The following FAT3 variants were observed in gnomAD, a reference collection of about 807,000 sequenced individuals.
FAT3 encodes the protein protocadherin Fat 3.
FAT3 carries 95 observed loss-of-function variants against 310.2 expected under a neutral mutation model. The ratio of observed to expected loss-of-function variants is 0.31; its 90% CI spans 0.26 to 0.36. The LOEUF (loss-of-function observed/expected upper bound fraction) is 0.36. Among genes scored for constraint, FAT3 ranks in the 10% least tolerant of loss-of-function variants. FAT3 has a pLI of 1.00. For synonymous variants in FAT3, 2,314 were observed against 2,192.9 expected, an observed-to-expected ratio of 1.06 and a Z score of -1.54; for missense variants, 5,408 against 5,715.6, an observed-to-expected ratio of 0.95 and a Z score of 1.74.
chr11:92,520,347 T>C (rs605714), intron 2 of FAT3, among the ~76,000 whole-genome samples: 95,171 of 151,840 alleles, frequency 0.63, 30,604 homozygotes, highest in African/African-American at 0.78. Flanking sequence ...GAGTTGAGAG[T>C]AAGGGATTGA....
intron 13 of FAT3, 74 bp from the exon 14 acceptor site, chr11:92,831,548 C>A: frequency 7.5e-7 from 1 of 1,338,964 alleles, no homozygotes; most frequent in East Asian, 2.4e-5. Context: ...CAAAAGTCTG[C>A]AAAGCTGTAA....
rs2136414278 is a variant in FAT3, at chr11:92,883,126, G to C, written c.12670G>C (p.Glu4224Gln). ...GSGDGRNVYQ[E>Q]VGPPQVPVRP... ...TGGGGACGGCCGCAACGTCTACCAG[G>C]AGGTGGGGCCCCCGCAGGTCCCCGT... is the stretch of plus-strand genomic sequence containing the variant. The change falls in exon 24 of 28, where the codon GAG becomes CAG. Residue 4224 changes from glutamate (E) to glutamine (Q), a missense_variant. By Grantham distance (29) the Glu-to-Gln change is conservative (BLOSUM62 2). Transcript: ENST00000525166. The surrounding 1 kb of genome is among the most constrained non-coding windows in gnomAD (Gnocchi z 4.2). 1 of 1,613,794 alleles carries C rather than the reference G, an allele frequency of 6.2e-7. No individual in the cohort carries two copies. Among genetic ancestry groups the C allele is most frequent in the Non-Finnish European group, 8.5e-7 (1 of 1,179,876 alleles).
chr11:92,847,234 T>C (rs747396841), intron 19 of FAT3, among the ~76,000 whole-genome samples: 5 of 152,224 alleles, frequency 3.3e-5, no homozygotes, highest in African/African-American at 4.8e-5. Context: ...ACCATATTTT[T>C]ATTATGCCTT....
intron 1 of FAT3, among the ~76,000 whole-genome samples, chr11:92,312,364 T>C (rs920980516): frequency 6.6e-6 from 1 of 152,230 alleles, no homozygotes; most frequent in East Asian, 1.9e-4. Flanking sequence ...TCCTCTTTAG[T>C]TGAATTTGGA....
chr11:92,483,712 G>A (rs923296603), intron 2 of FAT3, among the ~76,000 whole-genome samples: 6 of 116,442 alleles, frequency 5.2e-5, no homozygotes, highest in Admixed American at 2.0e-4. Context: ...AATGATATGC[G>A]TGTAAGGTAC....
chr11:92,364,798 G>C (rs141797655), intron 2 of FAT3, among the ~76,000 whole-genome samples: 95 of 152,242 alleles, frequency 6.2e-4, no homozygotes, highest in Middle Eastern at 3.4e-3. Flanking sequence ...GGACTTAGTG[G>C]CTCCTCTGGG....
chr11:92,445,241 T>C (rs941594207), intron 2 of FAT3, among the ~76,000 whole-genome samples: 1 of 152,222 alleles, frequency 6.6e-6, no homozygotes, highest in South Asian at 2.1e-4. Context: ...TGTACGTCAG[T>C]AGCTCTCAAG....
chr11:92,638,433 T>C (rs1314293767), intron 3 of FAT3, among the ~76,000 whole-genome samples: 1 of 152,226 alleles, frequency 6.6e-6, no homozygotes, highest in African/African-American at 2.4e-5. Context: ...TCGATTTTTA[T>C]AGCATCTCTC....
rs750019878 is a variant in FAT3, at chr11:92,800,374, C to T, written c.7361C>T (p.Ser2454Phe). The T allele has an allele frequency of 1.9e-6, 3 of 1,613,944 alleles. No homozygotes were observed. Among genetic ancestry groups the T allele is most frequent in the Admixed American group, 3.3e-5 (2 of 60,022 alleles). Residue 2454 changes from serine to phenylalanine, a missense_variant, in exon 10 of 28, where the codon TCC becomes TTC. By Grantham distance (155) the Ser-to-Phe change is radical. Coordinates refer to ENST00000525166, the MANE Select transcript of FAT3 (RefSeq NM_001367949.2). ...MDSKSGVITL[S>F]NHRKQRMEPL... ...AGCAAGAGTGGAGTTATCACATTGT[C>T]CAACCATCGGAAGCAGCGGATGGAG...
At chr11:92,300,057 G>C (rs1946955166) in intron 1 of FAT3, among the ~76,000 whole-genome samples, 1 of 152,108 alleles carries the variant, frequency 6.6e-6, no homozygotes, top group Non-Finnish European at 1.5e-5. Flanking sequence ...TTCAAAATGA[G>C]TAAGTCTCCT....
intron 3 of FAT3, among the ~76,000 whole-genome samples, chr11:92,611,905 A>C (rs1440918836): frequency 6.6e-6 from 1 of 152,216 alleles, no homozygotes; most frequent in Admixed American, 6.5e-5. Context: ...TTTTCACCGC[A>C]TACCCCTTTA....
chr11:92,348,797 C>T (rs375044397), intron 1 of FAT3, among the ~76,000 whole-genome samples: 9 of 152,180 alleles, frequency 5.9e-5, no homozygotes, highest in South Asian at 2.1e-4. Context: ...CTCCTTTGAA[C>T]CTGTATAATT....
chr11:92,423,186 C>T (rs552192068), intron 2 of FAT3, among the ~76,000 whole-genome samples: 7 of 152,222 alleles, frequency 4.6e-5, no homozygotes, highest in Non-Finnish European at 1.0e-4. Context: ...CAATAATCAG[C>T]AAAATACACT....
chr11:92,721,929 T>C (rs1944873056), intron 4 of FAT3, among the ~76,000 whole-genome samples: 1 of 152,060 alleles, frequency 6.6e-6, no homozygotes, highest in South Asian at 2.1e-4. Context: ...CCCACCTCCA[T>C]GATTTAAGTA....
chr11:92,287,433 C>A (rs1393549313), intron 1 of FAT3, among the ~76,000 whole-genome samples: 1 of 152,096 alleles, frequency 6.6e-6, no homozygotes, highest in East Asian at 1.9e-4. Context: ...TGTTCAGAAG[C>A]ACTATGGGTC....
At chr11:92,498,956 A>G (rs1952848033) in intron 2 of FAT3, 1 of 152,150 alleles carries the variant, frequency 6.6e-6, no homozygotes, top group African/African-American at 2.4e-5. Context: ...GAGAGCCAAA[A>G]GGCTATCTTT....
intron 3 of FAT3, among the ~76,000 whole-genome samples, chr11:92,541,622 G>T (rs1954450471): frequency 6.6e-6 from 1 of 152,076 alleles, no homozygotes; most frequent in Non-Finnish European, 1.5e-5. Flanking sequence ...CATTCTCAAA[G>T]TGCTTTGGGA....
At chr11:92,299,333 C>T (rs1247716414) in intron 1 of FAT3, among the ~76,000 whole-genome samples, 2 of 152,084 alleles carry the variant, frequency 1.3e-5, no homozygotes, top group African/African-American at 4.8e-5. Context: ...ATCATCTGAG[C>T]TCTTCCAAGA....
chr11:92,605,457 C>T (rs1292744575), intron 3 of FAT3, among the ~76,000 whole-genome samples: 2 of 152,140 alleles, frequency 1.3e-5, no homozygotes, highest in African/African-American at 2.4e-5. Flanking sequence ...ACAGACATGA[C>T]CTCTGCCCTA....
Sources: gnomAD v4.1 joint callset for allele counts (sites outside exome capture counted in the v4.1 genomes callset) on GRCh38, gnomAD v4.1.1 for gene constraint, Gnocchi (gnomAD v3.1) non-coding constraint, MANE v1.5 for transcripts, NCBI Gene and HGNC (gene_info 2026-07-23, HGNC 2026-07-21) for gene names.